The following AKR1B10 variants were observed in gnomAD, a reference collection of about 807,000 sequenced individuals.
AKR1B10 encodes the protein aldo-keto reductase family 1 member B10.
Under a neutral mutation model 38.9 loss-of-function variants are expected in AKR1B10, and 39 were observed. The observed-to-expected ratio is 1.00, with a 90% CI of 0.78 to 1.31. AKR1B10 has a LOEUF of 1.31. Among genes scored for constraint, AKR1B10 ranks in the 50% most tolerant of loss-of-function variants. AKR1B10 has a pLI of 0.00. For missense variants in AKR1B10, 361 were observed against 382.6 expected, an observed-to-expected ratio of 0.94 and a Z score of 0.47; for synonymous variants, 148 against 141.2, an observed-to-expected ratio of 1.05 and a Z score of -0.34.
At chr7:134,528,449 T>G (rs1807753029) in intron 1 of AKR1B10, among the ~76,000 whole-genome samples, 1 of 152,074 alleles carries the variant, frequency 6.6e-6, no homozygotes, top group African/African-American at 2.4e-5. Flanking sequence ...ACTGGCCAGG[T>G]GTGGTGGCTT....
At chr7:134,530,120 T>C (rs187902789) in intron 1 of AKR1B10, among the ~76,000 whole-genome samples, 29 of 152,206 alleles carry the variant, frequency 1.9e-4, no homozygotes, top group Non-Finnish European at 3.7e-4. Flanking sequence ...CGAATCCAGA[T>C]TGATGGTGTA....
chr7:134,534,801 T>G (rs1807953620), intron 4 of AKR1B10, among the ~76,000 whole-genome samples: 1 of 152,192 alleles, frequency 6.6e-6, no homozygotes, highest in African/African-American at 2.4e-5. Context: ...ATCTGAAATT[T>G]TGGGAAACCT....
chr7:134,536,857 A>G (rs1241171242), intron 5 of AKR1B10, 85 bp downstream of exon 5: 15 of 1,591,090 alleles, frequency 9.4e-6, no homozygotes, highest in Admixed American at 1.7e-5. Flanking sequence ...CTATGCCCTG[A>G]GTCTCATCTC....
chr7:134,531,013 A>G (rs1807841712), intron 2 of AKR1B10, among the ~76,000 whole-genome samples: 1 of 152,198 alleles, frequency 6.6e-6, no homozygotes, highest in South Asian at 2.1e-4. Flanking sequence ...ACCTGCCTGT[A>G]GGTTGGTTTT....
chr7:134,536,744 G>T lies in AKR1B10; in HGVS notation c.524G>T (p.Gly175Val), dbSNP rs1184899886. 5.0e-6 allele frequency: 8 copies of T among 1,613,878 alleles called. No homozygotes were observed. Among genetic ancestry groups the T allele is most frequent in the Non-Finnish European group, 6.8e-6 (8 of 1,179,820 alleles). The change falls in exon 5 of 10, where the codon GGA (glycine) becomes GTA (valine). Residue 175 changes from glycine to valine, a missense_variant. Around this residue, in one of 3 missense-constraint regions of AKR1B10, gnomAD observed 220 missense variants for 216.1 expected, o/e 1.02. Coordinates refer to ENST00000359579, the MANE Select transcript of AKR1B10 (RefSeq NM_020299.5). ...FQIEKLLNKP[G>V]LKYKPVTNQV... ...ATCGAGAAGCTCTTGAACAAACCTG[G>T]ACTGAAATATAAACCAGTGACTAAC...
chr7:134,538,596 C>A (rs531898378), intron 8 of AKR1B10, among the ~76,000 whole-genome samples: 49 of 152,284 alleles, frequency 3.2e-4, no homozygotes, highest in South Asian at 1.9e-3. Context: ...GTCCTGGCCT[C>A]CCTGCTCACT....
rs1808146874 is a variant in AKR1B10, at chr7:134,541,369, C to T, written c.*280C>T. 2 of 354,452 alleles carry T rather than the reference C, an allele frequency of 5.6e-6. No individual in the cohort carries two copies. Among genetic ancestry groups the T allele is most frequent in the South Asian group, 3.6e-5 (1 of 27,720 alleles). The allele number at this position is 354,452 out of a possible 1,614,324, so 22.0% of individuals were successfully genotyped here. ...TTAAGCATCAGAAACTCTGCCAACA[C>T]TGAGGATGTAAAGATCAATAAAAAA... On this transcript the variant is annotated 3_prime_UTR_variant, in exon 10 of 10. Transcript: ENST00000359579.
intron 1 of AKR1B10, among the ~76,000 whole-genome samples, 166 bp downstream of exon 1, chr7:134,528,143 A>G (rs894175011): frequency 3.3e-5 from 5 of 152,232 alleles, no homozygotes; most frequent in Admixed American, 3.3e-4. Context: ...GAGCTGATTC[A>G]GGCTGCAAAG....
At chr7:134,530,575 G>T (rs1807821459) in intron 1 of AKR1B10, 68 bp from the exon 2 acceptor site, 1 of 1,575,266 alleles carries the variant, frequency 6.3e-7, no homozygotes, top group Non-Finnish European at 8.7e-7. Flanking sequence ...GGCCAGCCTG[G>T]GCAACACGGC....
At chr7:134,535,606 T>TTTA in intron 4 of AKR1B10, 2 of 967,726 alleles carry the variant, frequency 2.1e-6, no homozygotes, top group Non-Finnish European at 2.4e-6. Flanking sequence ...TTTTTTTTTT[T>TTTA]TTCTTTTGAG....
chr7:134,531,729 T>A (rs1807862688), intron 2 of AKR1B10, among the ~76,000 whole-genome samples, 179 bp from the exon 3 acceptor site: 1 of 152,200 alleles, frequency 6.6e-6, no homozygotes, highest in Non-Finnish European at 1.5e-5. Context: ...ACTTAAGACA[T>A]GTCATTGAGG....
intron 3 of AKR1B10, 40 bp from the exon 4 acceptor site, chr7:134,532,964 T>C (rs569400340): frequency 6.4e-7 from 1 of 1,563,056 alleles, no homozygotes; most frequent in South Asian, 1.2e-5. Flanking sequence ...CCAAGTGTCC[T>C]GATGCAGATT....
At chr7:134,533,326 C>T (rs1226024581) in intron 4 of AKR1B10, among the ~76,000 whole-genome samples, 1 of 152,198 alleles carries the variant, frequency 6.6e-6, no homozygotes, top group Non-Finnish European at 1.5e-5. Flanking sequence ...GGGGAATACA[C>T]ATGCTGTTCT....
In AKR1B10 at chr7:134,537,155, T is replaced by G. The variant is rs1204314972; in HGVS notation, c.657T>G (p.Pro219=). ...GCCCCCTGGGCTCTCCGGATAGACCTTGGTGAGGCTTCCAAGTGGTGGGTC... is the reference window on the plus strand; with the variant it reads ...GCCCCCTGGGCTCTCCGGATAGACCGTGGTGAGGCTTCCAAGTGGTGGGTC... ...AYSPLGSPDR[P]WAKPEDPSLL... is the part of the protein sequence containing the mutation. Residue 219 remains proline (P), a splice_region_variant and synonymous_variant, in exon 6 of 10, where the codon CCT becomes CCG. Transcript: ENST00000359579. 1.3e-6 allele frequency: 2 copies of G among 1,578,902 alleles called. No individual in the cohort carries two copies. The highest frequency in any genetic ancestry group is 1.7e-6 in the Non-Finnish European group (2 of 1,165,932).
chr7:134,533,182 A>G, intron 4 of AKR1B10, 101 bp downstream of exon 4: 1 of 955,218 alleles, frequency 1.0e-6, no homozygotes, highest in Non-Finnish European at 1.5e-6. Flanking sequence ...ATGCTTTCTA[A>G]TTTCATCATT....
chr7:134,541,100 C>T lies in AKR1B10; in HGVS notation c.*11C>T, dbSNP rs766015344. 6.4e-7 allele frequency: 1 copy of T among 1,558,638 alleles called. No homozygotes were observed. The highest frequency in any genetic ancestry group is 1.7e-5 in the Admixed American group (1 of 59,796). On this transcript the variant is annotated 3_prime_UTR_variant, in exon 10 of 10. Transcript: ENST00000359579. The stretch of plus-strand genomic sequence containing the variant: ...AATGCAGAATATTGAGGTTGAATCT[C>T]CTGGTGAGATTATACAGGAGATTCT...
intron 5 of AKR1B10, 100 bp from the exon 6 acceptor site, chr7:134,536,951 T>G (rs1808026752): frequency 6.3e-7 from 1 of 1,579,626 alleles, no homozygotes. Flanking sequence ...GGCAGGTGTT[T>G]GGCCTTTGCT....
In AKR1B10 at chr7:134,540,378, G is replaced by A. The variant is rs1166679534; in HGVS notation, c.909-669G>A. Among the ~76,000 whole-genome samples, 15 of 133,378 alleles carry A rather than the reference G, an allele frequency of 1.1e-4. No homozygotes were observed. In the East Asian group the frequency reaches 2.4e-3, roughly 22 times the overall value. The allele number at this position is 133,378 out of a possible 152,430, so 87.5% of individuals were successfully genotyped here. A position where few individuals can be genotyped will look rare whatever the true frequency, so the allele number is the denominator to read the frequency against. On this transcript the variant is annotated intron_variant, in intron 9 of 9. Coordinates refer to ENST00000359579, the MANE Select transcript of AKR1B10 (RefSeq NM_020299.5). ...AGTAGTAGCTACTTAGAGCAAAAAG[G>A]AAGGGTGAACGTAAAGTGGGACTCA...
At chr7:134,529,123 C>G (rs1221098957) in intron 1 of AKR1B10, among the ~76,000 whole-genome samples, 1 of 152,166 alleles carries the variant, frequency 6.6e-6, no homozygotes, top group Non-Finnish European at 1.5e-5. Flanking sequence ...TCCTGTCCCT[C>G]ATGGCTAATG....
Sources: gnomAD v4.1 joint callset for allele counts (sites outside exome capture counted in the v4.1 genomes callset) on GRCh38, gnomAD v4.1.1 for gene constraint, gnomAD v4.1.1 regional missense constraint, MANE v1.5 for transcripts, NCBI Gene and HGNC (gene_info 2026-07-23, HGNC 2026-07-21) for gene names.